The following PTPRD variants were observed in gnomAD, a reference collection of about 807,000 sequenced individuals.
PTPRD encodes receptor-type tyrosine-protein phosphatase delta.
Under a neutral mutation model 214.5 loss-of-function variants are expected in PTPRD, and 34 were observed. The ratio of observed to expected loss-of-function variants is 0.16; its 90% CI spans 0.12 to 0.21. PTPRD has a LOEUF of 0.21. Among genes scored for constraint, PTPRD ranks in the 10% least tolerant of loss-of-function variants. The probability of loss-of-function intolerance (pLI) is 1.00; values close to 1 mark genes in which losing one functional copy is unlikely to be tolerated. For synonymous variants in PTPRD, 1,128 were observed against 845.7 expected (o/e 1.33, Z -5.79); for missense variants, 2,545 against 2,398.7 (o/e 1.06, Z -1.27).
At chr9:10,300,102 G>C (rs564956826) in intron 3 of PTPRD, among the ~76,000 whole-genome samples, 1 of 152,180 alleles carries the variant, frequency 6.6e-6, no homozygotes, top group African/African-American at 2.4e-5. Context: ...CATCCTGATA[G>C]TCTGTATCAA....
chr9:8,502,897 G>T (rs1363005040), intron 23 of PTPRD, among the ~76,000 whole-genome samples: 1 of 150,588 alleles, frequency 6.6e-6, no homozygotes, highest in African/African-American at 2.5e-5. Flanking sequence ...ACTGAGGTTT[G>T]TAAACCATGG....
intron 11 of PTPRD, among the ~76,000 whole-genome samples, chr9:8,852,379 T>C (rs1038348392): frequency 1.3e-5 from 2 of 152,234 alleles, no homozygotes; most frequent in African/African-American, 2.4e-5. Context: ...CCTGACATTG[T>C]TATCTGAATG....
rs192924313 is a variant in PTPRD, at chr9:9,469,274, A to G, written c.-236-71792T>C. On this transcript the variant is annotated intron_variant, in intron 8 of 45. Coordinates refer to ENST00000381196, the MANE Select transcript of PTPRD (RefSeq NM_002839.4). ...GTAAATGCAGCTATTAGAAAATTTA[A>G]ATTATGTATGTGACTTGCATTATCT... 1.3e-3 allele frequency among the ~76,000 whole-genome samples: 192 copies of G among 152,204 alleles called. 1 individual carries two copies. Among genetic ancestry groups the G allele is most frequent in the Non-Finnish European group, 2.4e-3 (160 of 67,990 alleles).
At chr9:9,371,233 A>T (rs1038508731) in intron 9 of PTPRD, among the ~76,000 whole-genome samples, 8 of 152,044 alleles carry the variant, frequency 5.3e-5, no homozygotes, top group African/African-American at 1.7e-4. Context: ...CTGTGAATCC[A>T]TCTGGTCCTG....
intron 9 of PTPRD, among the ~76,000 whole-genome samples, chr9:9,349,592 T>A (rs1453044898): frequency 1.1e-5 from 1 of 93,686 alleles, no homozygotes; most frequent in Non-Finnish European, 2.3e-5. Flanking sequence ...TTCTCTAAGT[T>A]TTTTTTTTTT....
chr9:9,014,939 T>A (rs1308939616), intron 11 of PTPRD, among the ~76,000 whole-genome samples: 2 of 152,096 alleles, frequency 1.3e-5, no homozygotes, highest in Admixed American at 1.3e-4. Flanking sequence ...TGTGTATACA[T>A]GTATTTATAA....
At chr9:9,260,436 A>G (rs2099979589) in intron 9 of PTPRD, among the ~76,000 whole-genome samples, 1 of 151,880 alleles carries the variant, frequency 6.6e-6, no homozygotes, top group Non-Finnish European at 1.5e-5. Context: ...TGCTTGAGGG[A>G]AAAATAGTTT....
intron 2 of PTPRD, among the ~76,000 whole-genome samples, chr9:10,459,369 A>G (rs2098941683): frequency 6.6e-6 from 1 of 152,184 alleles, no homozygotes; most frequent in Admixed American, 6.5e-5. Context: ...ATATATGTGC[A>G]TGCGTCTTTA....
intron 3 of PTPRD, among the ~76,000 whole-genome samples, chr9:10,312,267 G>T (rs2096286341): frequency 6.6e-6 from 1 of 151,910 alleles, no homozygotes; most frequent in African/African-American, 2.4e-5. Flanking sequence ...TCTGCATATT[G>T]GGGCTATCCA....
At chr9:10,222,453 T>G (rs748435764) in intron 3 of PTPRD, among the ~76,000 whole-genome samples, 32 of 152,272 alleles carry the variant, frequency 2.1e-4, no homozygotes, top group Non-Finnish European at 4.0e-4. Context: ...TCCTATGTCT[T>G]TATTGTCAGT....
intron 4 of PTPRD, among the ~76,000 whole-genome samples, chr9:9,966,123 T>TA (rs141134569): frequency 0.016 from 2,450 of 152,250 alleles, 72 homozygotes; most frequent in African/African-American, 0.056. Context: ...TTCGGTTTTT[T>TA]AATAAAGGAT....
chr9:8,920,579 T>C (rs2098820603), intron 11 of PTPRD, among the ~76,000 whole-genome samples: 2 of 152,132 alleles, frequency 1.3e-5, no homozygotes, highest in South Asian at 4.1e-4. Context: ...TGATAGCTGA[T>C]GAGCTAAAAC....
At chr9:9,337,431 T>C (rs992108314) in intron 9 of PTPRD, among the ~76,000 whole-genome samples, 11 of 152,166 alleles carry the variant, frequency 7.2e-5, no homozygotes, top group Non-Finnish European at 1.2e-4. Context: ...ACTCTTCTTG[T>C]TCTGATTTTA....
intron 9 of PTPRD, among the ~76,000 whole-genome samples, chr9:9,337,492 G>A (rs886827754): frequency 5.3e-5 from 8 of 152,142 alleles, no homozygotes; most frequent in Non-Finnish European, 8.8e-5. Flanking sequence ...ATAGCCAGGG[G>A]ATGATTTTAC....
intron 32 of PTPRD, among the ~76,000 whole-genome samples, chr9:8,461,535 C>A (rs1591156599): frequency 6.6e-6 from 1 of 151,904 alleles, no homozygotes; most frequent in East Asian, 1.9e-4. Context: ...GAAACTAATC[C>A]ATATCCACTA....
intron 3 of PTPRD, among the ~76,000 whole-genome samples, chr9:10,269,668 A>T (rs1302253762): frequency 6.6e-6 from 1 of 152,176 alleles, no homozygotes; most frequent in Non-Finnish European, 1.5e-5. Context: ...TTCAAGATAT[A>T]GTCCTTTATT....
At chr9:8,999,532 T>G (rs1168670852) in intron 11 of PTPRD, among the ~76,000 whole-genome samples, 2 of 152,114 alleles carry the variant, frequency 1.3e-5, no homozygotes, top group South Asian at 4.1e-4. Flanking sequence ...AACAGAACTT[T>G]TATATGCTCT....
At chr9:8,328,950 G>C (rs1186905147) in intron 44 of PTPRD, among the ~76,000 whole-genome samples, 3 of 151,988 alleles carry the variant, frequency 2.0e-5, no homozygotes, top group Non-Finnish European at 4.4e-5. Flanking sequence ...CAGGTACTTA[G>C]CTTCCTTGCA....
At chr9:8,339,702 C>G (rs1336226598) in intron 42 of PTPRD, among the ~76,000 whole-genome samples, 1 of 152,018 alleles carries the variant, frequency 6.6e-6, no homozygotes, top group African/African-American at 2.4e-5. Context: ...AAGAAAATAT[C>G]TGAAGCAAAT....
Sources: gnomAD v4.1 joint callset for allele counts (sites outside exome capture counted in the v4.1 genomes callset) on GRCh38, gnomAD v4.1.1 for gene constraint, MANE v1.5 for transcripts, NCBI Gene and HGNC (gene_info 2026-07-23, HGNC 2026-07-21) for gene names.